The following ATP10B variants were observed in gnomAD, a reference collection of about 807,000 sequenced individuals.
The protein encoded by ATP10B is phospholipid-transporting ATPase VB.
In ATP10B, 122 loss-of-function variants were observed where a neutral mutation model predicts 141.2. The observed-to-expected ratio is 0.86, with a 90% confidence interval of 0.75 to 1.00. The LOEUF (loss-of-function observed/expected upper bound fraction) is 1.00. Ranked by LOEUF, ATP10B falls within the 50% of genes least tolerant of loss-of-function variation. The pLI, the probability that ATP10B is intolerant of heterozygous loss-of-function variation, is 0.00. For synonymous variants in ATP10B, 685 were observed against 692.0 expected (o/e 0.99, Z 0.16); for missense variants, 1,876 against 1,825.3 (o/e 1.03, Z -0.51).
chr5:160,849,074 C>A (rs1216026292), intron 1 of ATP10B, among the ~76,000 whole-genome samples: 3 of 152,100 alleles, frequency 2.0e-5, no homozygotes, highest in African/African-American at 7.2e-5. Context: ...TCTAATAGTT[C>A]CCGAGTAATT....
At chr5:160,759,926 G>C (rs528278362) in intron 2 of ATP10B, among the ~76,000 whole-genome samples, 11 of 152,318 alleles carry the variant, frequency 7.2e-5, no homozygotes, top group African/African-American at 2.4e-4. Context: ...AATAGGAATA[G>C]TGGAGTAATT....
chr5:160,633,922 A>C (rs1349028967), intron 12 of ATP10B: 1 of 324,900 alleles, frequency 3.1e-6, no homozygotes, highest in African/African-American at 2.2e-5. Flanking sequence ...AATAGAAGAC[A>C]TCTTCTGGAT....
upstream of ATP10B, among the ~76,000 whole-genome samples, chr5:160,854,516 G>A (rs946441653): frequency 1.1e-4 from 16 of 152,044 alleles, no homozygotes; most frequent in African/African-American, 3.1e-4. Flanking sequence ...CCTTTTTTAT[G>A]GCTGCATAGT....
At chr5:160,609,194 T>C (rs572711151) in intron 18 of ATP10B, among the ~76,000 whole-genome samples, 1 of 152,150 alleles carries the variant, frequency 6.6e-6, no homozygotes, top group Non-Finnish European at 1.5e-5. Flanking sequence ...TTTACATTTA[T>C]TGAAGTGCTA....
Position 160,607,648 on chromosome 5 carries a change from G to A in ATP10B, c.2839-562C>T, listed in dbSNP as rs538084822. Reference sequence around the variant, plus strand: ...ATTGTACCTGTGTTTATCAATTGTTGTATTCCATGAAGGGTGCTAAGAACT... The same window carrying A: ...ATTGTACCTGTGTTTATCAATTGTTATATTCCATGAAGGGTGCTAAGAACT... On this transcript the variant is annotated intron_variant, in intron 18 of 25. Transcript: ENST00000327245. 2.0e-5 allele frequency among the ~76,000 whole-genome samples: 3 copies of A among 152,268 alleles called. No individual in the cohort carries two copies. The South Asian group carries it at 6.2e-4, about 32-fold the overall frequency.
At chr5:160,649,602 T>C (rs929976029) in intron 7 of ATP10B, among the ~76,000 whole-genome samples, 1 of 152,224 alleles carries the variant, frequency 6.6e-6, no homozygotes, top group African/African-American at 2.4e-5. Flanking sequence ...TAATCACATG[T>C]GTCTATTTAG....
At chr5:160,879,568 G>C in the ATP10B span, among the ~76,000 whole-genome samples, 1 of 150,660 alleles carries the variant, frequency 6.6e-6, no homozygotes, top group East Asian at 1.9e-4. Context: ...GGCCAGGCGC[G>C]GTGGCTCTCG....
At chr5:160,597,707 TAAAC>T (rs1310370584) in intron 22 of ATP10B, among the ~76,000 whole-genome samples, 3 of 151,338 alleles carry the variant, frequency 2.0e-5, no homozygotes, top group Admixed American at 6.6e-5. Flanking sequence ...AAGAAAAAAA[TAAAC>T]AACCCCATCA....
intron 6 of ATP10B, among the ~76,000 whole-genome samples, chr5:160,673,100 C>T (rs12519267): frequency 0.21 from 31,326 of 152,176 alleles, 3,814 homozygotes; most frequent in East Asian, 0.39. Context: ...GCAGCAGACA[C>T]GGTTAAATGT....
At chr5:160,616,452 T>C (rs112484119) in intron 16 of ATP10B, among the ~76,000 whole-genome samples, 1,985 of 152,300 alleles carry the variant, frequency 0.013, 51 homozygotes, top group African/African-American at 0.045. Flanking sequence ...GTTAAGGCTG[T>C]GGAACGGCAA....
upstream of ATP10B, among the ~76,000 whole-genome samples, chr5:160,855,094 C>T (rs1325519647): frequency 6.6e-6 from 1 of 152,174 alleles, no homozygotes; most frequent in Non-Finnish European, 1.5e-5. Flanking sequence ...AGAATAAATG[C>T]ACAGACAGAA....
intron 18 of ATP10B, 198 bp downstream of exon 18, chr5:160,612,543 G>A: frequency 2.2e-6 from 1 of 451,564 alleles, no homozygotes; most frequent in Non-Finnish European, 3.9e-6. Flanking sequence ...AGACCAGCTA[G>A]CCATGTGTGG....
At chr5:160,869,519 A>G in the ATP10B span, among the ~76,000 whole-genome samples, 4 of 152,168 alleles carry the variant, frequency 2.6e-5, no homozygotes, top group Admixed American at 1.3e-4. Flanking sequence ...AAAACCCTTT[A>G]GATTCCCCCT....
intron 9 of ATP10B, among the ~76,000 whole-genome samples, chr5:160,642,683 T>A (rs923690067): frequency 1.3e-5 from 2 of 152,362 alleles, no homozygotes; most frequent in Non-Finnish European, 2.9e-5. Flanking sequence ...AAACAACTGG[T>A]ATCTTCTTTC....
At chr5:160,851,150 G>T (rs1264890360) in intron 1 of ATP10B, among the ~76,000 whole-genome samples, 2 of 152,136 alleles carry the variant, frequency 1.3e-5, no homozygotes, top group Non-Finnish European at 2.9e-5. Flanking sequence ...TGCCTACCTG[G>T]CAAATTCAGA....
At chr5:160,673,528 G>GTT (rs1202041912) in intron 6 of ATP10B, among the ~76,000 whole-genome samples, 3 of 28,734 alleles carry the variant, frequency 1.0e-4, no homozygotes, top group Non-Finnish European at 2.0e-4. Context: ...ATTCTATTTT[G>GTT]TTTTGTTTTT....
the ATP10B span, among the ~76,000 whole-genome samples, chr5:160,901,088 G>A: frequency 2.0e-5 from 3 of 151,816 alleles, no homozygotes; most frequent in Non-Finnish European, 4.4e-5. Flanking sequence ...TCAGAATGGG[G>A]GATTTCTTCC....
At chr5:160,765,407 C>A (rs1561830869) in intron 2 of ATP10B, among the ~76,000 whole-genome samples, 1 of 152,026 alleles carries the variant, frequency 6.6e-6, no homozygotes. Context: ...AGAAATAATG[C>A]CAAATACTTA....
At chr5:160,622,693 A>G in intron 13 of ATP10B, 108 bp from the exon 14 acceptor site, 1 of 1,062,280 alleles carries the variant, frequency 9.4e-7, no homozygotes, top group South Asian at 1.6e-5. Context: ...GCAGTCTTGC[A>G]TCCAGCATGT....
Sources: gnomAD v4.1 joint callset for allele counts (sites outside exome capture counted in the v4.1 genomes callset) on GRCh38, gnomAD v4.1.1 for gene constraint, MANE v1.5 for transcripts, NCBI Gene and HGNC (gene_info 2026-07-23, HGNC 2026-07-21) for gene names.